Variants in KLF9 observed in about 807,000 individuals in gnomAD.
KLF9 encodes the protein KLF transcription factor 9.
KLF9 carries 2 observed loss-of-function variants against 17.3 expected under a neutral mutation model. The ratio of observed to expected loss-of-function variants is 0.12; its 90% CI spans 0.05 to 0.36. KLF9 has a LOEUF of 0.36. Among genes scored for constraint, KLF9 ranks in the 10% least tolerant of loss-of-function variants. KLF9 has a pLI of 1.00. For synonymous variants in KLF9, 138 were observed against 139.2 expected (o/e 0.99, Z 0.06); for missense variants, 226 against 333.2 (o/e 0.68, Z 2.51).
At position 70,414,379 on chromosome 9, in the gene KLF9, T is replaced by C. The variant is rs1347199155; in HGVS notation, c.-1016A>G. The stretch of plus-strand genomic sequence containing the variant: ...CAGTTAAGTGACTTCCTGCAAACGC[T>C]ACAGTCCCAGCAACCAGCCTTCCAA... On this transcript the variant is annotated 5_prime_UTR_variant, in exon 1 of 2. Coordinates refer to ENST00000377126, the MANE Select transcript of KLF9 (RefSeq NM_001206.4). The C allele has an allele frequency of 2.0e-5, 3 of 152,228 alleles. No individual in the cohort carries two copies. Among genetic ancestry groups the C allele is most frequent in the Non-Finnish European group, 4.4e-5 (3 of 68,050 alleles). The allele number at this position is 152,228 out of a possible 1,614,324, so 9.4% of individuals were successfully genotyped here.
At chr9:70,390,059 C>A (rs934157539) in intron 1 of KLF9, among the ~76,000 whole-genome samples, 35 of 152,244 alleles carry the variant, frequency 2.3e-4, no homozygotes, top group Non-Finnish European at 2.6e-4. Context: ...TTAACCTGTG[C>A]TGATGAGATG....
chr9:70,389,120 G>A (rs937421704), intron 1 of KLF9, among the ~76,000 whole-genome samples: 4 of 151,336 alleles, frequency 2.6e-5, no homozygotes, highest in East Asian at 1.9e-4. Flanking sequence ...TAGCCTAGGC[G>A]ACAGAGTGAG....
In KLF9 at chr9:70,384,608, T is replaced by C. The variant is rs1466709292; in HGVS notation, c.*3168A>G. The C allele has an allele frequency of 6.6e-6, 1 of 152,666 alleles. No homozygotes were observed. The highest frequency in any genetic ancestry group is 6.5e-5 in the Admixed American group (1 of 15,284). 9.5% of individuals were successfully genotyped at this position (152,666 alleles called of 1,614,324 possible). On this transcript the variant is annotated 3_prime_UTR_variant, in exon 2 of 2. Transcript: ENST00000377126. ...AATGGCTAGAACAATTCAGTCTTTATCATTTATTATTTTTATTTGGACAAC... is the reference window on the plus strand; with the variant it reads ...AATGGCTAGAACAATTCAGTCTTTACCATTTATTATTTTTATTTGGACAAC...
chr9:70,410,867 T>C (rs993702101), intron 1 of KLF9, among the ~76,000 whole-genome samples: 6 of 152,154 alleles, frequency 3.9e-5, no homozygotes, highest in African/African-American at 1.2e-4. Flanking sequence ...CTTCCGACAA[T>C]ATTAACCCAG....
At chr9:70,388,148 T>C (rs113697911) in intron 1 of KLF9, 143 bp from the exon 2 acceptor site, 2 of 685,664 alleles carry the variant, frequency 2.9e-6, no homozygotes. Flanking sequence ...AAAATCCCTA[T>C]GTTGAAGCCT....
chr9:70,389,146 GA>G (rs113853495), intron 1 of KLF9, among the ~76,000 whole-genome samples: 42 of 132,370 alleles, frequency 3.2e-4, no homozygotes, highest in South Asian at 4.9e-4. Flanking sequence ...GTCTCAAAAA[GA>G]AAAAAAAAAA....
At chr9:70,397,987 C>T (rs564656267) in intron 1 of KLF9, among the ~76,000 whole-genome samples, 2 of 152,308 alleles carry the variant, frequency 1.3e-5, no homozygotes, top group African/African-American at 4.8e-5. Flanking sequence ...CATTTTTCTG[C>T]ATACATCATT....
chr9:70,390,305 A>G lies in KLF9; in HGVS notation c.506-2300T>C, dbSNP rs146698931. ...AAAAGCTACGGCAGCAAAAGGCAAT[A>G]GCAAACCAATGAATGCTGGGCCCTA... On this transcript the variant is annotated intron_variant, in intron 1 of 1. Transcript: ENST00000377126. Among the ~76,000 whole-genome samples the G allele has an allele frequency of 1.0e-3, 157 of 152,278 alleles. 1 individual carries two copies. The highest frequency in any genetic ancestry group is 1.1e-3 in the Non-Finnish European group (73 of 68,026).
rs985167344 is a variant in KLF9 at position 70,385,642 on chromosome 9, G to A, written c.*2134C>T. 6.6e-6 allele frequency: 1 copy of A among 152,578 alleles called. No individual in the cohort carries two copies. Among genetic ancestry groups the A allele is most frequent in the Admixed American group, 6.6e-5 (1 of 15,266 alleles). The allele number at this position is 152,578 out of a possible 1,614,324, so 9.5% of individuals were successfully genotyped here. ...ACCCCAAACTCCTCACTCACTAAAA[G>A]GCAGCGTGCAGAGTATCATAAGCAG... On this transcript the variant is annotated 3_prime_UTR_variant, in exon 2 of 2. Transcript: ENST00000377126.
rs2037347633 is a variant in KLF9 at position 70,413,592 on chromosome 9, C to G, written c.-229G>C. 2 of 199,398 alleles carry G rather than the reference C, an allele frequency of 1.0e-5. No homozygotes were observed. The highest frequency in any genetic ancestry group is 1.9e-5 in the Non-Finnish European group (2 of 105,046). The allele number at this position is 199,398 out of a possible 1,614,324, so 12.4% of individuals were successfully genotyped here. ...CCTCCGCACGCAGCATCCACGGCCC[C>G]GGGCTCCGCCGCGCCGCCGCCTCTA... On this transcript the variant is annotated 5_prime_UTR_variant, in exon 1 of 2. Transcript: ENST00000377126. This position sits in a 1 kb window ranked among gnomAD's most constrained non-coding sequence, Gnocchi z 5.6.
At position 70,413,186 on chromosome 9, in the gene KLF9, G is replaced by A; in HGVS notation, c.178C>T (p.Leu60=). The part of the protein sequence containing the change: ...PGDTWKDYCT[L]VTIAKSLLDL... ...AACAAGCTCTTGGCGATGGTGACCA[G>A]TGTGCAGTAATCCTTCCAGGTGTCC... Residue 60 remains leucine (L), a synonymous_variant, in exon 1 of 2, where the codon CTG becomes TTG. Coordinates refer to ENST00000377126, the MANE Select transcript of KLF9 (RefSeq NM_001206.4). The surrounding 1 kb of genome is among the most constrained non-coding windows in gnomAD (Gnocchi z 5.6). 1 of 1,614,178 alleles carries A rather than the reference G, an allele frequency of 6.2e-7. No homozygotes were observed. Among genetic ancestry groups the A allele is most frequent in the East Asian group, 2.2e-5 (1 of 44,878 alleles).
chr9:70,390,386 C>A (rs1240229291), intron 1 of KLF9, among the ~76,000 whole-genome samples: 7 of 151,494 alleles, frequency 4.6e-5, no homozygotes. Flanking sequence ...GGGGATGGGG[C>A]TGCAAAGAGG....
At position 70,413,465 on chromosome 9, in the gene KLF9, G is replaced by A. The variant is rs1348762048; in HGVS notation, c.-102C>T. The A allele has an allele frequency of 1.7e-6, 2 of 1,189,444 alleles. No homozygotes were observed. The highest frequency in any genetic ancestry group is 2.1e-6 in the Non-Finnish European group (2 of 951,770). The allele number at this position is 1,189,444 out of a possible 1,614,324, so 73.7% of individuals were successfully genotyped here. A position where few individuals can be genotyped will look rare whatever the true frequency, so the allele number is the denominator to read the frequency against. On this transcript the variant is annotated 5_prime_UTR_variant, in exon 1 of 2. Coordinates refer to ENST00000377126, the MANE Select transcript of KLF9 (RefSeq NM_001206.4). The surrounding 1 kb of genome is among the most constrained non-coding windows in gnomAD (Gnocchi z 5.6). Reference sequence around the variant, plus strand: ...CCTCGGACGACGAGCGCGGCGCGGCGCGGCACGGCGCGGCGGCCAAGGGGG... The same window carrying A: ...CCTCGGACGACGAGCGCGGCGCGGCACGGCACGGCGCGGCGGCCAAGGGGG...
intron 1 of KLF9, among the ~76,000 whole-genome samples, chr9:70,391,385 G>T (rs1433879301): frequency 6.6e-6 from 1 of 152,144 alleles, no homozygotes; most frequent in East Asian, 1.9e-4. Flanking sequence ...TCTCTTGACT[G>T]CCCCTTGGAG....
Position 70,413,217 on chromosome 9 carries a change from G to C in KLF9, c.147C>G (p.Asp49Glu), listed in dbSNP as rs778239371. 57 of 1,613,986 alleles carry C rather than the reference G, an allele frequency of 3.5e-5. No individual in the cohort carries two copies. The highest frequency in any genetic ancestry group is 1.6e-4 in the East Asian group (7 of 44,886). Residue 49 changes from aspartate to glutamate, a missense_variant, in exon 1 of 2, where the codon GAC (aspartate) becomes GAG (glutamate). By Grantham distance (45) the Asp-to-Glu change is conservative (BLOSUM62 2). Transcript: ENST00000377126. The surrounding 1 kb of genome is among the most constrained non-coding windows in gnomAD (Gnocchi z 5.6). ...AGTAATCCTTCCAGGTGTCCCCCGG[G>C]TCACCGTGCTCCTTGGTCACCTCGC... ...PEREVTKEHG[D>E]PGDTWKDYCT...
rs1205690074 is a variant in KLF9, at chr9:70,409,148, A to ATG, written c.505+3709_505+3710dup. Among the ~76,000 whole-genome samples the ATG allele has an allele frequency of 2.6e-3, 160 of 61,252 alleles. 12 individuals are homozygous for ATG. The highest frequency in any genetic ancestry group is 4.5e-3 in the African/African-American group (114 of 25,498). The allele number at this position is 61,252 out of a possible 152,430, so 40.2% of individuals were successfully genotyped here. A position where few individuals can be genotyped will look rare whatever the true frequency, so the allele number is the denominator to read the frequency against. On this transcript the variant is annotated intron_variant, in intron 1 of 1. Coordinates refer to ENST00000377126, the MANE Select transcript of KLF9 (RefSeq NM_001206.4). ...TATATATGTATACATATATATGTAT[A>ATG]TGTATATATATACACATATATGTAT...
chr9:70,399,795 C>T (rs1481845694), intron 1 of KLF9, among the ~76,000 whole-genome samples: 3 of 152,216 alleles, frequency 2.0e-5, no homozygotes, highest in Admixed American at 1.3e-4. Context: ...AATTCTCTGC[C>T]TTCCAGGCCC....
intron 1 of KLF9, among the ~76,000 whole-genome samples, chr9:70,400,522 C>T (rs1335646667): frequency 3.3e-5 from 5 of 152,146 alleles, no homozygotes; most frequent in Non-Finnish European, 5.9e-5. Flanking sequence ...AAAGAGAATA[C>T]AATTTAATGC....
rs913560872 is a variant in KLF9, at chr9:70,387,341, G to A, written c.*435C>T. ...CATAAAGGGCCCAGAATCACTGTGCGAGGCCACAGGTCAACTCACCCAGCG... is the reference window on the plus strand; with the variant it reads ...CATAAAGGGCCCAGAATCACTGTGCAAGGCCACAGGTCAACTCACCCAGCG... On this transcript the variant is annotated 3_prime_UTR_variant, in exon 2 of 2. Transcript: ENST00000377126. The A allele has an allele frequency of 1.7e-5, 3 of 177,330 alleles. No individual in the cohort carries two copies. The highest frequency in any genetic ancestry group is 2.5e-5 in the Non-Finnish European group (2 of 81,272). The allele number at this position is 177,330 out of a possible 1,614,324, so 11.0% of individuals were successfully genotyped here. A position where few individuals can be genotyped will look rare whatever the true frequency, so the allele number is the denominator to read the frequency against.
Sources: allele counts gnomAD v4.1 joint callset (sites outside exome capture counted in the v4.1 genomes callset), GRCh38; gene constraint gnomAD v4.1.1; non-coding constraint Gnocchi (gnomAD v3.1); transcripts MANE v1.5; gene names NCBI Gene and HGNC (gene_info 2026-07-23, HGNC 2026-07-21).